The following ITPR1 variants were observed in gnomAD, a reference collection of about 807,000 sequenced individuals.
The protein encoded by ITPR1 is inositol 1,4,5-trisphosphate-gated calcium channel ITPR1.
A neutral mutation model predicts 318.4 loss-of-function variants in ITPR1; 96 were observed. That is an observed-to-expected ratio of 0.30 (90% confidence interval 0.26 to 0.36). The LOEUF (loss-of-function observed/expected upper bound fraction) is 0.36, where lower values mean the gene tolerates loss of function less well. ITPR1 is among the 10% of genes least tolerant of loss of function. The pLI is 1.00. For missense variants in ITPR1, 2,440 were observed against 3,460.2 expected (o/e 0.71, Z 7.40); for synonymous variants, 1,312 against 1,289.9 (o/e 1.02, Z -0.37).
chr3:4,669,013 G>A (rs943050468), intron 18 of ITPR1, among the ~76,000 whole-genome samples: 3 of 152,126 alleles, frequency 2.0e-5, no homozygotes, highest in African/African-American at 4.8e-5. Flanking sequence ...AATTTACAAT[G>A]TGGGTGTCAC....
intron 44 of ITPR1, 145 bp downstream of exon 44, chr3:4,735,499 G>T (rs1343853428): frequency 1.6e-6 from 1 of 643,472 alleles, no homozygotes; most frequent in Non-Finnish European, 2.7e-6. Flanking sequence ...TGAAAAATGA[G>T]TTCTGCTAGT....
chr3:4,566,333 T>C (rs1445156277), intron 4 of ITPR1, among the ~76,000 whole-genome samples: 3 of 152,118 alleles, frequency 2.0e-5, no homozygotes, highest in Non-Finnish European at 2.9e-5. Context: ...AACTCTGACT[T>C]TATGTATGAG....
chr3:4,658,230 T>A lies in ITPR1; in HGVS notation c.1103T>A (p.Phe368Tyr). 6.2e-7 allele frequency: 1 copy of A among 1,613,666 alleles called. No homozygotes were observed. The highest frequency in any genetic ancestry group is 1.1e-5 in the South Asian group (1 of 91,056). Residue 368 changes from phenylalanine (F) to tyrosine (Y), a missense_variant, in exon 13 of 62, where the codon TTC (phenylalanine) becomes TAC (tyrosine). By Grantham distance (22) the Phe-to-Tyr change is conservative. Around this residue, in one of 23 missense-constraint regions of ITPR1, gnomAD observed 101 missense variants for 119.6 expected, o/e 0.84. Transcript: ENST00000649015. Reference protein sequence around the residue: ...VPEGNDISSIFELDPTTLRGG... With the variant: ...VPEGNDISSIYELDPTTLRGG... ...GAAGGCAATGACATCTCCTCCATTT[T>A]CGAGCTAGATCCCACCACTCTGCGT...
At chr3:4,643,755 A>G (rs1472869609) in intron 7 of ITPR1, among the ~76,000 whole-genome samples, 2 of 152,224 alleles carry the variant, frequency 1.3e-5, no homozygotes, top group Non-Finnish European at 2.9e-5. Flanking sequence ...TTTTAGAAAC[A>G]TAAAGTTATG....
At chr3:4,722,538 T>C (rs2042235423) in intron 40 of ITPR1, among the ~76,000 whole-genome samples, 1 of 152,168 alleles carries the variant, frequency 6.6e-6, no homozygotes, top group Non-Finnish European at 1.5e-5. Context: ...TTCCTTGGGG[T>C]ATTATACATT....
intron 2 of ITPR1, among the ~76,000 whole-genome samples, chr3:4,515,469 A>G (rs1477613124): frequency 2.0e-5 from 3 of 152,172 alleles, no homozygotes; most frequent in South Asian, 2.1e-4. Flanking sequence ...TGCCCTGGGC[A>G]TCTCCACAGC....
chr3:4,550,896 AAAAG>A (rs1338617255), intron 4 of ITPR1, among the ~76,000 whole-genome samples: 1 of 152,060 alleles, frequency 6.6e-6, no homozygotes, highest in African/African-American at 2.4e-5. Flanking sequence ...TAAAAAAAAA[AAAAG>A]AAAGAAAAGA....
intron 2 of ITPR1, among the ~76,000 whole-genome samples, chr3:4,498,486 A>G (rs2080773310): frequency 6.6e-6 from 1 of 152,198 alleles, no homozygotes; most frequent in Admixed American, 6.5e-5. Flanking sequence ...CCAGACCTGT[A>G]GGGACCAGAT....
intron 4 of ITPR1, among the ~76,000 whole-genome samples, chr3:4,562,778 G>A (rs896134387): frequency 4.0e-5 from 6 of 151,306 alleles, no homozygotes; most frequent in African/African-American, 1.5e-4. Flanking sequence ...ACCATGCTAA[G>A]CACTGGAGAT....
intron 46 of ITPR1, among the ~76,000 whole-genome samples, chr3:4,769,837 G>A (rs1236330568): frequency 6.6e-6 from 1 of 152,198 alleles, no homozygotes; most frequent in East Asian, 1.9e-4. Context: ...GTTTAGGAAG[G>A]GCCGAGGATG....
intron 2 of ITPR1, among the ~76,000 whole-genome samples, chr3:4,503,684 G>A (rs2081197605): frequency 6.6e-6 from 1 of 151,930 alleles, no homozygotes; most frequent in Non-Finnish European, 1.5e-5. Flanking sequence ...CCACTCCCCT[G>A]CCCCACCACA....
chr3:4,663,996 ATTTT>A (rs1198546292), intron 16 of ITPR1, among the ~76,000 whole-genome samples: 1 of 152,188 alleles, frequency 6.6e-6, no homozygotes, highest in East Asian at 1.9e-4. Flanking sequence ...AGTTCAATTG[ATTTT>A]TAGCGTACTT....
At chr3:4,557,450 G>T (rs2086243390) in intron 4 of ITPR1, among the ~76,000 whole-genome samples, 1 of 152,090 alleles carries the variant, frequency 6.6e-6, no homozygotes. Flanking sequence ...GATTTGGGTG[G>T]GGACACAGCC....
Position 4,766,714 on chromosome 3 carries a change from A to G in ITPR1, c.5725+4A>G. The G allele has an allele frequency of 6.3e-7, 1 of 1,591,482 alleles. No homozygotes were observed. Among genetic ancestry groups the G allele is most frequent in the Non-Finnish European group, 8.6e-7 (1 of 1,168,412 alleles). On this transcript the variant is annotated splice_donor_region_variant and intron_variant, in intron 45 of 61. Coordinates refer to ENST00000649015, the MANE Select transcript of ITPR1 (RefSeq NM_001378452.1). ...GATGCCCCATCACGGAAAAAAGGTA[A>G]ATGTTCCTCAGTCTTCAGTCAGCTG... is the stretch of plus-strand genomic sequence containing the variant.
At chr3:4,686,640 C>T (rs1011511757) in intron 30 of ITPR1, among the ~76,000 whole-genome samples, 1 of 152,176 alleles carries the variant, frequency 6.6e-6, no homozygotes, top group Non-Finnish European at 1.5e-5. Context: ...TGTGTGTGTA[C>T]ATGTGCACGC....
At chr3:4,661,726 T>A (rs909891460) in intron 14 of ITPR1, among the ~76,000 whole-genome samples, 17 of 152,256 alleles carry the variant, frequency 1.1e-4, no homozygotes, top group Non-Finnish European at 1.9e-4. Flanking sequence ...TCTATCCTTA[T>A]AATGCTCCTC....
chr3:4,544,052 T>G (rs112129000), intron 4 of ITPR1, among the ~76,000 whole-genome samples: 1,691 of 152,232 alleles, frequency 0.011, 35 homozygotes, highest in African/African-American at 0.038. Context: ...TGTTCCTTTT[T>G]TTTTAAGACA....
intron 2 of ITPR1, among the ~76,000 whole-genome samples, chr3:4,515,905 A>G (rs1265142964): frequency 1.3e-5 from 2 of 152,180 alleles, no homozygotes; most frequent in African/African-American, 2.4e-5. Flanking sequence ...ACATGCGTAC[A>G]GTTGTGGAAT....
intron 36 of ITPR1, among the ~76,000 whole-genome samples, chr3:4,705,171 GT>G (rs1490281487): frequency 9.9e-5 from 15 of 151,962 alleles, no homozygotes; most frequent in African/African-American, 3.6e-4. Context: ...GGAAATCATT[GT>G]TTTTTGGACA....
Sources: allele counts gnomAD v4.1 joint callset (sites outside exome capture counted in the v4.1 genomes callset), GRCh38; gene constraint gnomAD v4.1.1; regional missense constraint gnomAD v4.1.1; transcripts MANE v1.5; gene names NCBI Gene and HGNC (gene_info 2026-07-23, HGNC 2026-07-21).